The following TCP11L1 variants were observed in gnomAD, a reference collection of about 807,000 sequenced individuals.
The protein encoded by TCP11L1 is T-complex protein 11-like protein 1.
In TCP11L1, 28 loss-of-function variants were observed where a neutral mutation model predicts 48.9. That is an observed-to-expected ratio of 0.57 (90% CI 0.42 to 0.78). TCP11L1 has a LOEUF of 0.78. TCP11L1 is among the 30% of genes least tolerant of loss of function. TCP11L1 has a pLI of 0.00. For missense variants in TCP11L1, 505 were observed against 613.4 expected (o/e 0.82, Z 1.87); for synonymous variants, 204 against 231.9 (o/e 0.88, Z 1.09).
rs111511654 is a variant in TCP11L1 at position 33,053,257 on chromosome 11, G to A, written c.164-1336G>A. On this transcript the variant is annotated intron_variant, in intron 2 of 9. Coordinates refer to ENST00000334274, the MANE Select transcript of TCP11L1 (RefSeq NM_018393.4). The stretch of plus-strand genomic sequence containing the variant: ...CCTCCCAGGTTCAAGCAATCCTTTC[G>A]CCTCAGCCTCCCAAGGAGCTGGGAT... Among the ~76,000 whole-genome samples the A allele has an allele frequency of 7.2e-4, 108 of 149,802 alleles. 2 individuals are homozygous for A. Among genetic ancestry groups the A allele is most frequent in the African/African-American group, 2.2e-3 (90 of 40,630 alleles).
intron 2 of TCP11L1, 70 bp from the exon 3 acceptor site, chr11:33,054,523 A>G: frequency 6.4e-7 from 1 of 1,559,874 alleles, no homozygotes; most frequent in Non-Finnish European, 8.7e-7. Context: ...TACCAGAACC[A>G]CTGTTTTCTT....
intron 1 of TCP11L1, chr11:33,040,371 C>T (rs998191623): frequency 1.3e-5 from 2 of 152,188 alleles, no homozygotes; most frequent in African/African-American, 2.4e-5. Flanking sequence ...CGTTTCATCT[C>T]CCCCCAAACC....
At chr11:33,040,764 ACCTCCTCTCCC>A (rs149741969) in intron 1 of TCP11L1, 58,616 of 146,060 alleles carry the variant, frequency 0.4, 11,447 homozygotes, top group East Asian at 0.46. Context: ...CCTCCTTTTC[ACCTCCTCTCCC>A]CCTCCTCTCC....
intron 7 of TCP11L1, among the ~76,000 whole-genome samples, chr11:33,062,922 G>A (rs115333996): frequency 0.012 from 1,897 of 152,276 alleles, 45 homozygotes; most frequent in African/African-American, 0.042. Context: ...AGGCTAGGTG[G>A]TACGACAGCT....
intron 2 of TCP11L1, among the ~76,000 whole-genome samples, chr11:33,049,641 G>A (rs181185136): frequency 1.3e-5 from 2 of 152,050 alleles, no homozygotes; most frequent in African/African-American, 4.8e-5. Context: ...TGATGTGCAC[G>A]GATACAAACT....
intron 2 of TCP11L1, among the ~76,000 whole-genome samples, chr11:33,046,333 G>A (rs1048358945): frequency 6.6e-6 from 1 of 152,232 alleles, no homozygotes; most frequent in East Asian, 1.9e-4. Context: ...TTTGGTTGAT[G>A]GCTTCGCCTT....
intron 2 of TCP11L1, among the ~76,000 whole-genome samples, chr11:33,048,497 G>A (rs1854064039): frequency 6.6e-6 from 1 of 152,194 alleles, no homozygotes; most frequent in Non-Finnish European, 1.5e-5. Flanking sequence ...CCTATAATTT[G>A]TATGCAGTGA....
At chr11:33,043,491 T>C (rs1001930777) in intron 1 of TCP11L1, among the ~76,000 whole-genome samples, 1 of 152,200 alleles carries the variant, frequency 6.6e-6, no homozygotes, top group African/African-American at 2.4e-5. Context: ...AACATGCTAC[T>C]TAGGAGTAGG....
chr11:33,042,420 A>G (rs2024969), intron 1 of TCP11L1, among the ~76,000 whole-genome samples: 61,910 of 151,954 alleles, frequency 0.41, 12,787 homozygotes, highest in African/African-American at 0.46. Flanking sequence ...TCATGCCTGT[A>G]ATCCCAGCAC....
intron 6 of TCP11L1, among the ~76,000 whole-genome samples, chr11:33,061,156 A>T (rs6484640): frequency 1.3e-4 from 19 of 151,768 alleles, no homozygotes; most frequent in Non-Finnish European, 2.6e-4. Context: ...GAGCCTTGCC[A>T]CATTGCCCAG....
chr11:33,045,578 T>C (rs1243165470), intron 2 of TCP11L1, among the ~76,000 whole-genome samples: 1 of 152,172 alleles, frequency 6.6e-6, no homozygotes, highest in Non-Finnish European at 1.5e-5. Context: ...TGTAGATGTA[T>C]ATGGCTAACA....
At chr11:33,070,282 AAAAGAAAG>A (rs150343648) in intron 9 of TCP11L1, among the ~76,000 whole-genome samples, 49 of 151,890 alleles carry the variant, frequency 3.2e-4, no homozygotes, top group African/African-American at 1.0e-3. Flanking sequence ...CCCTGTTTCT[AAAAGAAAG>A]AAAGAAAGAA....
At chr11:33,045,234 T>A (rs570532916) in intron 2 of TCP11L1, among the ~76,000 whole-genome samples, 17 of 151,744 alleles carry the variant, frequency 1.1e-4, no homozygotes, top group Non-Finnish European at 2.2e-4. Flanking sequence ...ATGCCTATAG[T>A]CCCAGCTACT....
At chr11:33,057,716 T>C (rs1854349653) in intron 4 of TCP11L1, among the ~76,000 whole-genome samples, 1 of 152,236 alleles carries the variant, frequency 6.6e-6, no homozygotes, top group Admixed American at 6.5e-5. Flanking sequence ...ATTTAATTGC[T>C]ACCTAGGGCT....
intron 8 of TCP11L1, among the ~76,000 whole-genome samples, chr11:33,067,987 C>T (rs1258212979): frequency 6.6e-6 from 1 of 151,878 alleles, no homozygotes; most frequent in East Asian, 1.9e-4. Flanking sequence ...AGTGCAATGA[C>T]GTGATCTCGG....
At chr11:33,050,126 G>A (rs1854115845) in intron 2 of TCP11L1, among the ~76,000 whole-genome samples, 1 of 152,200 alleles carries the variant, frequency 6.6e-6, no homozygotes, top group African/African-American at 2.4e-5. Context: ...AGTCAACACA[G>A]CACAGGTCTC....
At chr11:33,063,399 A>C (rs1429634304) in intron 7 of TCP11L1, among the ~76,000 whole-genome samples, 3 of 152,100 alleles carry the variant, frequency 2.0e-5, no homozygotes, top group Non-Finnish European at 4.4e-5. Flanking sequence ...GAACTGCCAA[A>C]CTGATTTCCA....
chr11:33,057,574 G>T (rs1854346417), intron 4 of TCP11L1, among the ~76,000 whole-genome samples: 1 of 152,174 alleles, frequency 6.6e-6, no homozygotes, highest in African/African-American at 2.4e-5. Flanking sequence ...GACTGTTTTT[G>T]CAGCGCCTTT....
chr11:33,063,387 A>G (rs1854520573), intron 7 of TCP11L1, among the ~76,000 whole-genome samples: 1 of 152,146 alleles, frequency 6.6e-6, no homozygotes, highest in Non-Finnish European at 1.5e-5. Context: ...TAACATTTTG[A>G]GGAACTGCCA....
Sources: gnomAD v4.1 joint callset for allele counts (sites outside exome capture counted in the v4.1 genomes callset) on GRCh38, gnomAD v4.1.1 for gene constraint, MANE v1.5 for transcripts, NCBI Gene and HGNC (gene_info 2026-07-23, HGNC 2026-07-21) for gene names.